Variants in BRCA2 observed in about 807,000 individuals in gnomAD.
BRCA2 encodes the protein BRCA2 DNA repair associated, also known as breast cancer type 2 susceptibility protein.
In BRCA2, 203 loss-of-function variants were observed where a neutral mutation model predicts 276.7. That is an observed-to-expected ratio of 0.73 (90% CI 0.65 to 0.82). The LOEUF is 0.82. Ranked by LOEUF, BRCA2 falls within the 40% of genes least tolerant of loss-of-function variation. The probability of loss-of-function intolerance (pLI) is 0.00; values close to 1 mark genes in which losing one functional copy is unlikely to be tolerated. For synonymous variants in BRCA2, 1,289 were observed against 1,338.4 expected (o/e 0.96, Z 0.81); for missense variants, 3,920 against 3,915.0 (o/e 1.00, Z -0.03).
Position 32,336,916 on chromosome 13 carries a change from A to G in BRCA2, c.2561A>G (p.Asn854Ser), listed in dbSNP as rs80358520. 6.2e-6 allele frequency: 10 copies of G among 1,606,662 alleles called. No homozygotes were observed. In the African/African-American group the frequency reaches 9.4e-5, roughly 15 times the overall value. The change falls in exon 11 of 27, where the codon AAC becomes AGC. Residue 854 changes from asparagine to serine, a missense_variant. Physicochemically the swap from Asn to Ser is conservative, Grantham distance 46. Transcript: ENST00000380152. ...TCAAGAAAGGTACAATTCAACCAAA[A>G]CACAAATCTAAGAGTAATCCAAAAA... ...SPSRKVQFNQ[N>S]TNLRVIQKNQ...
rs80358649 is a variant in BRCA2, at chr13:32,338,354, C to G, written c.3999C>G (p.Asn1333Lys). The part of the protein sequence containing the change: ...KYTAASRNSH[N>K]LEFDGSDSSK... Reference sequence around the variant, plus strand: ...CTGCTGCCAGTAGAAATTCTCATAACTTAGAATTTGATGGCAGTGATTCAA... The same window carrying G: ...CTGCTGCCAGTAGAAATTCTCATAAGTTAGAATTTGATGGCAGTGATTCAA... The change falls in exon 11 of 27, where the codon AAC becomes AAG. Residue 1333 changes from asparagine (N) to lysine (K), a missense_variant. Asn to Lys is a moderately conservative substitution (Grantham distance 94). Transcript: ENST00000380152. The G allele has an allele frequency of 6.3e-7, 1 of 1,585,934 alleles. No individual in the cohort carries two copies. The highest frequency in any genetic ancestry group is 1.9e-5 in the Admixed American group (1 of 53,750).
rs4942443 is a variant in BRCA2 at position 32,345,389 on chromosome 13, A to T, written c.6937+736A>T. Among the ~76,000 whole-genome samples the T allele has an allele frequency of 0.2, 30,903 of 151,952 alleles. 3,329 individuals carry two copies. Among genetic ancestry groups the T allele is most frequent in the African/African-American group, 0.24 (10,141 of 41,478 alleles). ...GGACATACATAACATTTTACTAATA[A>T]GACAGTTTTGACAGCTTGGATTCCC... On this transcript the variant is annotated intron_variant, in intron 12 of 26. Transcript: ENST00000380152.
At position 32,350,747 on chromosome 13, in the gene BRCA2, C is replaced by T. The variant is rs559067; in HGVS notation, c.7007+3851C>T. On this transcript the variant is annotated intron_variant, in intron 13 of 26. Transcript: ENST00000380152. ...CAGCCTGGGCGAGAGAGCGAGACTC[C>T]GTCTCAAAAAAAAAACAACAAAATA... 0.24 allele frequency among the ~76,000 whole-genome samples: 35,867 copies of T among 150,790 alleles called. 4,707 individuals are homozygous for T. The highest frequency in any genetic ancestry group is 0.36 in the South Asian group (1,711 of 4,778).
intron 3 of BRCA2, among the ~76,000 whole-genome samples, chr13:32,320,356 C>T (rs1034491796): frequency 3.3e-5 from 5 of 152,186 alleles, no homozygotes; most frequent in Non-Finnish European, 5.9e-5. Flanking sequence ...TGTGATCAGG[C>T]CCCTGATTTA....
intron 13 of BRCA2, among the ~76,000 whole-genome samples, 167 bp downstream of exon 13, chr13:32,347,063 CATT>C (rs906217925): frequency 1.3e-4 from 19 of 151,800 alleles, no homozygotes; most frequent in African/African-American, 4.6e-4. Flanking sequence ...CTGTTCATAT[CATT>C]ATTTTATTTT....
At chr13:32,351,119 T>G (rs971344727) in intron 13 of BRCA2, among the ~76,000 whole-genome samples, 1 of 152,208 alleles carries the variant, frequency 6.6e-6, no homozygotes, top group African/African-American at 2.4e-5. Context: ...CAGCAGCCGC[T>G]CGGCTCCACT....
chr13:32,351,774 TTAA>T (rs2072652968), intron 13 of BRCA2, among the ~76,000 whole-genome samples: 1 of 152,198 alleles, frequency 6.6e-6, no homozygotes, highest in South Asian at 2.1e-4. Flanking sequence ...TGAAATTATT[TTAA>T]TGTTACATTT....
rs80358706 is a variant in BRCA2 at position 32,339,195 on chromosome 13, A to G, written c.4840A>G (p.Lys1614Glu). The G allele has an allele frequency of 6.2e-7, 1 of 1,613,556 alleles. No homozygotes were observed. Among genetic ancestry groups the G allele is most frequent in the Non-Finnish European group, 8.5e-7 (1 of 1,179,584 alleles). Reference sequence around the variant, plus strand: ...TTCTATTGAGACTGTGGTGCCACCTAAGCTCTTAAGTGATAATTTATGTAG... The same window carrying G: ...TTCTATTGAGACTGTGGTGCCACCTGAGCTCTTAAGTGATAATTTATGTAG... ...LVSIETVVPP[K>E]LLSDNLCRQT... The change falls in exon 11 of 27, where the codon AAG becomes GAG. Residue 1614 changes from lysine (K) to glutamate (E), a missense_variant. This residue lies in a region of BRCA2 where 3,263 missense variants were observed against 3,156.9 expected (regional missense o/e 1.03). Transcript: ENST00000380152.
At chr13:32,384,481 TTG>T (rs1328367254) in intron 24 of BRCA2, among the ~76,000 whole-genome samples, 1 of 152,204 alleles carries the variant, frequency 6.6e-6, no homozygotes, top group Non-Finnish European at 1.5e-5. Context: ...GTTTTAATTT[TTG>T]TGTGTTTATA....
At chr13:32,330,359 C>T (rs1032134324) in intron 8 of BRCA2, among the ~76,000 whole-genome samples, 5 of 152,182 alleles carry the variant, frequency 3.3e-5, no homozygotes, top group East Asian at 3.8e-4. Context: ...CCATAGATGT[C>T]GCAGTACAAT....
chr13:32,325,245 C>G (rs2137447399), intron 4 of BRCA2, 61 bp downstream of exon 4: 1 of 1,248,814 alleles, frequency 8.0e-7, no homozygotes, highest in Non-Finnish European at 1.1e-6. Flanking sequence ...TATATTTGTT[C>G]TATAAAGATG....
intron 20 of BRCA2, among the ~76,000 whole-genome samples, chr13:32,374,238 A>T (rs760718339): frequency 1.5e-4 from 23 of 150,978 alleles, no homozygotes; most frequent in Non-Finnish European, 2.8e-4. Context: ...GAGATCTCTG[A>T]CATGCCTTGG....
intron 24 of BRCA2, among the ~76,000 whole-genome samples, chr13:32,393,170 C>T (rs146328989): frequency 6.6e-6 from 1 of 152,240 alleles, no homozygotes; most frequent in East Asian, 1.9e-4. Context: ...TGTACAATAA[C>T]TTCCTTTTTC....
At position 32,379,492 on chromosome 13, in the gene BRCA2, A is replaced by G. The variant is rs781715267; in HGVS notation, c.8930A>G (p.Tyr2977Cys). The change falls in exon 22 of 27, where the codon TAT (tyrosine) becomes TGT (cysteine). Residue 2977 changes from tyrosine to cysteine, a missense_variant. Physicochemically the swap from Tyr to Cys is radical, Grantham distance 194. Coordinates refer to ENST00000380152, the MANE Select transcript of BRCA2 (RefSeq NM_000059.4). ...GTGTGGAAGTTGCGTATTGTAAGCT[A>G]TTCAAAAAAAGAAAAAGATTCAGGT... ...TTVWKLRIVS[Y>C]SKKEKDSVIL... 1.2e-6 allele frequency: 2 copies of G among 1,612,912 alleles called. No homozygotes were observed. The highest frequency in any genetic ancestry group is 1.3e-5 in the African/African-American group (1 of 74,862).
In BRCA2 at chr13:32,380,088, C is replaced by T. The variant is rs769635024; in HGVS notation, c.9199C>T (p.Pro3067Ser). The part of the protein sequence containing the change: ...FSKFLDPDFQ[P>S]SCSEVDLIGF... ...CAAATTTTTAGATCCAGACTTTCAG[C>T]CATCTTGTTCTGAGGTGGACCTAAT... The change falls in exon 24 of 27, where the codon CCA becomes TCA. Residue 3067 changes from proline to serine, a missense_variant. Around this residue, in one of 2 missense-constraint regions of BRCA2, gnomAD observed 657 missense variants for 758.2 expected, o/e 0.87. Coordinates refer to ENST00000380152, the MANE Select transcript of BRCA2 (RefSeq NM_000059.4). 2 of 1,613,882 alleles carry T rather than the reference C, an allele frequency of 1.2e-6. No homozygotes were observed. Among genetic ancestry groups the T allele is most frequent in the African/African-American group, 2.7e-5 (2 of 74,906 alleles).
In BRCA2 at chr13:32,355,173, T is replaced by C; in HGVS notation, c.7320T>C (p.His2440=). ...GACAAAAGCAAAACATTGATGGACA[T>C]GGCTCTGATGATAGTAAAAATAAGA... ...ENRQKQNIDG[H]GSDDSKNKIN... is the part of the protein sequence containing the mutation. The change falls in exon 14 of 27, where the codon CAT becomes CAC. Residue 2440 remains histidine (H), a synonymous_variant. Coordinates refer to ENST00000380152, the MANE Select transcript of BRCA2 (RefSeq NM_000059.4). 1 of 1,613,878 alleles carries C rather than the reference T, an allele frequency of 6.2e-7. No individual in the cohort carries two copies. The highest frequency in any genetic ancestry group is 1.3e-5 in the African/African-American group (1 of 75,038).
At chr13:32,316,140 A>C (rs952044560) in intron 1 of BRCA2, among the ~76,000 whole-genome samples, 1 of 152,186 alleles carries the variant, frequency 6.6e-6, no homozygotes, top group East Asian at 1.9e-4. Context: ...CTCTGTCCCC[A>C]CTAGCCACGC....
At chr13:32,315,494 T>G (rs546292946), upstream of BRCA2, 1 of 152,252 alleles carries the variant, frequency 6.6e-6, no homozygotes, top group African/African-American at 2.4e-5. Context: ...CGCGAGCTTC[T>G]GAAACTAGGC....
At position 32,344,830 on chromosome 13, in the gene BRCA2, G is replaced by A. The variant is rs4942440; in HGVS notation, c.6937+177G>A. On this transcript the variant is annotated intron_variant, in intron 12 of 26. Transcript: ENST00000380152. ...TTACTGAGGACCTAAAAGAGCATTT[G>A]TTTATGTGGAATATATCTATTGATA... is the stretch of plus-strand genomic sequence containing the variant. 0.2 allele frequency among the ~76,000 whole-genome samples: 31,128 copies of A among 151,876 alleles called. 3,387 individuals are homozygous for A. Among genetic ancestry groups the A allele is most frequent in the African/African-American group, 0.25 (10,328 of 41,406 alleles).
Sources: gnomAD v4.1 joint callset for allele counts (sites outside exome capture counted in the v4.1 genomes callset) on GRCh38, gnomAD v4.1.1 for gene constraint, gnomAD v4.1.1 regional missense constraint, MANE v1.5 for transcripts, NCBI Gene and HGNC (gene_info 2026-07-23, HGNC 2026-07-21) for gene names.